The following TMEM177 variants were observed in gnomAD, a reference collection of about 807,000 sequenced individuals.
TMEM177 encodes the protein transmembrane protein 177.
Under a neutral mutation model 14.2 loss-of-function variants are expected in TMEM177, and 4 were observed. That is an observed-to-expected ratio of 0.28 (90% CI 0.14 to 0.64). The LOEUF is 0.64. Among genes scored for constraint, TMEM177 ranks in the 30% least tolerant of loss-of-function variants. TMEM177 has a pLI of 0.82. For synonymous variants in TMEM177, 179 were observed against 174.5 expected (o/e 1.03, Z -0.20); for missense variants, 344 against 405.2 (o/e 0.85, Z 1.30).
chr2:119,694,260 T>C, the TMEM177 span, among the ~76,000 whole-genome samples: 1 of 138,634 alleles, frequency 7.2e-6, no homozygotes, highest in African/African-American at 2.7e-5. Flanking sequence ...ATGTGCAACA[T>C]ACTACACCTG....
At chr2:119,708,691 T>A in the TMEM177 span, among the ~76,000 whole-genome samples, 1 of 142,892 alleles carries the variant, frequency 7.0e-6, no homozygotes, top group Admixed American at 6.8e-5. Context: ...ACACACACAG[T>A]CGCACTGGCA....
At chr2:119,713,201 C>G in the TMEM177 span, among the ~76,000 whole-genome samples, 1 of 152,066 alleles carries the variant, frequency 6.6e-6, no homozygotes, top group African/African-American at 2.4e-5. Flanking sequence ...TCCTGAGTAG[C>G]TGGGATTACA....
At chr2:119,702,637 TAA>T in the TMEM177 span, among the ~76,000 whole-genome samples, 183 of 152,182 alleles carry the variant, frequency 1.2e-3, 1 homozygote, top group Middle Eastern at 3.4e-3. Flanking sequence ...TAATGCAAAA[TAA>T]AGTTACTTTT....
chr2:119,721,270 T>C, the TMEM177 span, among the ~76,000 whole-genome samples: 6 of 152,218 alleles, frequency 3.9e-5, no homozygotes, highest in African/African-American at 1.4e-4. Context: ...GTCATGCCAA[T>C]GGAATGGCAC....
the TMEM177 span, among the ~76,000 whole-genome samples, chr2:119,713,999 T>G: frequency 2.0e-5 from 3 of 152,184 alleles, no homozygotes; most frequent in Non-Finnish European, 2.9e-5. Flanking sequence ...AACAGGTAGT[T>G]CAGGATGACT....
At chr2:119,706,119 G>A in the TMEM177 span, among the ~76,000 whole-genome samples, 1 of 151,356 alleles carries the variant, frequency 6.6e-6, no homozygotes, top group African/African-American at 2.4e-5. Flanking sequence ...TGCCTCCCAG[G>A]TTCAAGCAAT....
At chr2:119,679,386 A>T (rs1281228490) in intron 1 of TMEM177, 110 bp downstream of exon 1, 1 of 152,212 alleles carries the variant, frequency 6.6e-6, no homozygotes, top group Non-Finnish European at 1.5e-5. Context: ...GGCGGGCTGC[A>T]TGGTACTGTG....
chr2:119,691,517 C>T, the TMEM177 span, among the ~76,000 whole-genome samples: 7 of 152,118 alleles, frequency 4.6e-5, no homozygotes, highest in Non-Finnish European at 7.4e-5. Context: ...CCTCACACAA[C>T]ATTCTCAAGC....
the TMEM177 span, among the ~76,000 whole-genome samples, chr2:119,713,140 GC>G: frequency 6.6e-6 from 1 of 151,832 alleles, no homozygotes; most frequent in Non-Finnish European, 1.5e-5. Flanking sequence ...CGCAATCTTG[GC>G]TCACTGCAAC....
At chr2:119,695,464 C>A in the TMEM177 span, among the ~76,000 whole-genome samples, 1 of 152,248 alleles carries the variant, frequency 6.6e-6, no homozygotes, top group African/African-American at 2.4e-5. Context: ...AGGGCCTGGC[C>A]TTCCTTCTTG....
At chr2:119,691,606 A>C in the TMEM177 span, among the ~76,000 whole-genome samples, 1 of 151,996 alleles carries the variant, frequency 6.6e-6, no homozygotes, top group Non-Finnish European at 1.5e-5. Context: ...GGCCACATCC[A>C]CCTCTTCTTC....
the TMEM177 span, chr2:119,699,131 C>G: frequency 6.3e-6 from 1 of 159,336 alleles, no homozygotes; most frequent in Non-Finnish European, 1.4e-5. Flanking sequence ...TTCACACTGC[C>G]ATAAACAACT....
the TMEM177 span, among the ~76,000 whole-genome samples, chr2:119,715,413 G>A: frequency 6.6e-6 from 1 of 152,080 alleles, no homozygotes; most frequent in Non-Finnish European, 1.5e-5. Context: ...GAGAGAGAGA[G>A]ACAGAGACAG....
Position 119,681,075 on chromosome 2 carries a change from TC to T in TMEM177, c.224del (p.Pro75LeufsTer17). The T allele has an allele frequency of 6.2e-7, 1 of 1,614,224 alleles. No homozygotes were observed. ...AAGAGGTGCTACAGGACATAGGTGT[TC>T]CTTCAGGCCATTGCTACAAGCCCTT... ...FQEVLQDIGV[P>X]SGHCYKPFTT... On this transcript the variant is annotated frameshift_variant, in exon 2 of 2. Transcript: ENST00000272521. LOFTEE classifies it high-confidence loss of function.
chr2:119,684,296 T>A (rs1415111209), downstream of TMEM177, among the ~76,000 whole-genome samples: 1 of 152,192 alleles, frequency 6.6e-6, no homozygotes, highest in Non-Finnish European at 1.5e-5. Flanking sequence ...TTCCTCCTGC[T>A]GGAATGCCCA....
At chr2:119,697,260 G>A in the TMEM177 span, among the ~76,000 whole-genome samples, 1 of 152,212 alleles carries the variant, frequency 6.6e-6, no homozygotes, top group Non-Finnish European at 1.5e-5. Flanking sequence ...ATCCAGCTCT[G>A]TAGAAGTACA....
downstream of TMEM177, among the ~76,000 whole-genome samples, chr2:119,687,543 A>T (rs755488059): frequency 1.3e-5 from 2 of 152,120 alleles, no homozygotes; most frequent in Non-Finnish European, 2.9e-5. Flanking sequence ...AAATCATCAG[A>T]TCTCTTGAGA....
At chr2:119,684,730 G>A (rs1240364269), downstream of TMEM177, among the ~76,000 whole-genome samples, 1 of 152,164 alleles carries the variant, frequency 6.6e-6, no homozygotes, top group African/African-American at 2.4e-5. Context: ...ACTTGCCAAG[G>A]ACAGAGCCTG....
At chr2:119,701,333 C>T in the TMEM177 span, among the ~76,000 whole-genome samples, 1 of 152,172 alleles carries the variant, frequency 6.6e-6, no homozygotes, top group Non-Finnish European at 1.5e-5. Context: ...GAAGTTGAGC[C>T]AGGCTAAGGT....
Sources: allele counts gnomAD v4.1 joint callset (sites outside exome capture counted in the v4.1 genomes callset), GRCh38; gene constraint gnomAD v4.1.1; transcripts MANE v1.5; gene names NCBI Gene and HGNC (gene_info 2026-07-23, HGNC 2026-07-21).